Variants in SUPT3H observed in about 807,000 individuals in gnomAD.
The protein encoded by SUPT3H is SPT3 homolog, SAGA and STAGA complex component, also known as transcription initiation protein SPT3 homolog.
A neutral mutation model predicts 44.3 loss-of-function variants in SUPT3H; 44 were observed. That is an observed-to-expected ratio of 0.99 (90% CI 0.78 to 1.28). The LOEUF (loss-of-function observed/expected upper bound fraction) is 1.28, where lower values mean the gene tolerates loss of function less well. SUPT3H is among the 50% of genes most tolerant of loss of function. SUPT3H has a pLI of 0.00. For missense variants in SUPT3H, 380 were observed against 387.1 expected (o/e 0.98, Z 0.15); for synonymous variants, 124 against 125.6 (o/e 0.99, Z 0.09).
At chr6:45,365,382 T>C (rs1794960208) in intron 1 of SUPT3H, 81 bp from the exon 2 acceptor site, 3 of 929,790 alleles carry the variant, frequency 3.2e-6, no homozygotes, top group Non-Finnish European at 4.9e-6. Flanking sequence ...CAAATATAAA[T>C]TACTTCAAAA....
chr6:44,865,820 T>C (rs184405283), intron 10 of SUPT3H, among the ~76,000 whole-genome samples: 4 of 152,232 alleles, frequency 2.6e-5, no homozygotes, highest in Non-Finnish European at 5.9e-5. Flanking sequence ...AGTAGAATGT[T>C]CTCCAATCTT....
chr6:44,888,426 T>G (rs1454544792), intron 10 of SUPT3H, among the ~76,000 whole-genome samples: 1 of 152,152 alleles, frequency 6.6e-6, no homozygotes, highest in Non-Finnish European at 1.5e-5. Flanking sequence ...CATGATCAAG[T>G]GGGCTTCATC....
chr6:44,852,023 A>G (rs1023455349), intron 10 of SUPT3H, among the ~76,000 whole-genome samples: 2 of 152,220 alleles, frequency 1.3e-5, no homozygotes, highest in African/African-American at 4.8e-5. Context: ...AATGAAATGG[A>G]AAATCCATCA....
chr6:45,132,080 T>C (rs553147758), intron 2 of SUPT3H, among the ~76,000 whole-genome samples: 80 of 152,334 alleles, frequency 5.3e-4, no homozygotes, highest in Non-Finnish European at 9.7e-4. Flanking sequence ...TTAAGAATTA[T>C]TTCTGGAATT....
chr6:45,277,580 T>A (rs1200006759), intron 2 of SUPT3H, among the ~76,000 whole-genome samples: 1 of 152,100 alleles, frequency 6.6e-6, no homozygotes, highest in Non-Finnish European at 1.5e-5. Flanking sequence ...GGCATTCAAG[T>A]AGGTGGGAAT....
chr6:45,037,791 C>T (rs1338274477), intron 3 of SUPT3H, among the ~76,000 whole-genome samples: 1 of 148,896 alleles, frequency 6.7e-6, no homozygotes, highest in Non-Finnish European at 1.5e-5. Flanking sequence ...GCAACAAGAG[C>T]GAAACTCAGT....
chr6:45,129,862 T>G (rs1803152171), intron 2 of SUPT3H, among the ~76,000 whole-genome samples: 1 of 151,898 alleles, frequency 6.6e-6, no homozygotes, highest in Non-Finnish European at 1.5e-5. Flanking sequence ...AGAGGAAGAC[T>G]GCAGGAGAAA....
At chr6:44,825,070 A>C (rs1767641462), downstream of SUPT3H, among the ~76,000 whole-genome samples, 1 of 152,230 alleles carries the variant, frequency 6.6e-6, no homozygotes, top group Non-Finnish European at 1.5e-5. Flanking sequence ...GAAAGCGTGA[A>C]ACGGTAGCCT....
At chr6:44,926,261 T>C (rs1769503720) in intron 10 of SUPT3H, among the ~76,000 whole-genome samples, 1 of 152,090 alleles carries the variant, frequency 6.6e-6, no homozygotes, top group South Asian at 2.1e-4. Context: ...AAAATACAGA[T>C]GTGTATTTAA....
intron 10 of SUPT3H, among the ~76,000 whole-genome samples, chr6:44,886,495 G>T: frequency 6.6e-6 from 1 of 152,162 alleles, no homozygotes; most frequent in Non-Finnish European, 1.5e-5. Flanking sequence ...TTTCAACCCA[G>T]AATTTCATAT....
chr6:45,097,190 G>A (rs1797906541), intron 3 of SUPT3H, among the ~76,000 whole-genome samples: 1 of 152,198 alleles, frequency 6.6e-6, no homozygotes, highest in African/African-American at 2.4e-5. Context: ...GGATCTCAGA[G>A]CCCCATCTTC....
At chr6:44,833,139 T>G (rs928585987) in intron 10 of SUPT3H, among the ~76,000 whole-genome samples, 6 of 152,144 alleles carry the variant, frequency 3.9e-5, no homozygotes, top group Non-Finnish European at 7.4e-5. Context: ...ACTTGTTTTA[T>G]TCTATTACCT....
chr6:45,288,348 T>C (rs1367179830), intron 2 of SUPT3H, among the ~76,000 whole-genome samples: 1 of 151,930 alleles, frequency 6.6e-6, no homozygotes, highest in Non-Finnish European at 1.5e-5. Context: ...TCAGTAACAG[T>C]GGTTTCCTGC....
Position 45,060,973 on chromosome 6 carries a change from T to C in SUPT3H, c.187-40341A>G, listed in dbSNP as rs1014492111. On this transcript the variant is annotated intron_variant, in intron 3 of 10. Transcript: ENST00000371459. ...AGATGCTGCCAAGGCTATGGAGAAA[T>C]AGGAACGCTTTAACACTGTTGGTGG... is the stretch of plus-strand genomic sequence containing the variant. Among the ~76,000 whole-genome samples the C allele has an allele frequency of 1.6e-4, 24 of 152,158 alleles. 2 individuals carry two copies. The highest frequency in any genetic ancestry group is 5.1e-4 in the African/African-American group (21 of 41,524).
intron 2 of SUPT3H, among the ~76,000 whole-genome samples, chr6:45,173,865 A>G (rs567245394): frequency 7.9e-5 from 12 of 152,228 alleles, no homozygotes; most frequent in Non-Finnish European, 1.3e-4. Context: ...TGTATAATCA[A>G]AACAATTTTA....
intron 10 of SUPT3H, among the ~76,000 whole-genome samples, chr6:44,913,331 T>C (rs1767341965): frequency 6.6e-6 from 1 of 152,188 alleles, no homozygotes; most frequent in Non-Finnish European, 1.5e-5. Flanking sequence ...TTATTTGGCA[T>C]AATTAAAACA....
At chr6:45,073,242 AG>A (rs1182372994) in intron 3 of SUPT3H, among the ~76,000 whole-genome samples, 11 of 152,186 alleles carry the variant, frequency 7.2e-5, no homozygotes, top group African/African-American at 2.6e-4. Context: ...AAAGCATTCT[AG>A]AAGCTCAATT....
chr6:45,301,191 C>T (rs1054828043), intron 2 of SUPT3H, among the ~76,000 whole-genome samples: 6 of 152,012 alleles, frequency 3.9e-5, no homozygotes, highest in Admixed American at 1.3e-4. Context: ...AATAAACCAT[C>T]CAGATAAAAA....
chr6:45,137,432 C>T (rs1804480292), intron 2 of SUPT3H, among the ~76,000 whole-genome samples: 1 of 151,894 alleles, frequency 6.6e-6, no homozygotes, highest in South Asian at 2.1e-4. Context: ...TTATAAAAAG[C>T]AACAATTACA....
Sources: gnomAD v4.1 joint callset for allele counts (sites outside exome capture counted in the v4.1 genomes callset) on GRCh38, gnomAD v4.1.1 for gene constraint, MANE v1.5 for transcripts, NCBI Gene and HGNC (gene_info 2026-07-23, HGNC 2026-07-21) for gene names.